ZFYVE1: variants seen among roughly 807,000 people sequenced by gnomAD.
The protein encoded by ZFYVE1 is zinc finger FYVE-type containing 1.
ZFYVE1 carries 30 observed loss-of-function variants against 74.4 expected under a neutral mutation model. The observed-to-expected ratio is 0.40, with a 90% CI of 0.30 to 0.55. The LOEUF (loss-of-function observed/expected upper bound fraction) is 0.55. Ranked by LOEUF, ZFYVE1 falls within the 20% of genes least tolerant of loss-of-function variation. ZFYVE1 has a pLI of 0.42. For missense variants in ZFYVE1, 703 were observed against 1,011.6 expected, an observed-to-expected ratio of 0.69 and a Z score of 4.14; for synonymous variants, 335 against 385.1, an observed-to-expected ratio of 0.87 and a Z score of 1.52.
At chr14:72,992,692 C>A (rs1893649609) in intron 4 of ZFYVE1, among the ~76,000 whole-genome samples, 1 of 148,386 alleles carries the variant, frequency 6.7e-6, no homozygotes, top group Admixed American at 6.9e-5. Flanking sequence ...CTCCTAAACG[C>A]CCCCCGAACA....
chr14:72,981,744 A>G, intron 5 of ZFYVE1, 45 bp downstream of exon 5: 3 of 1,572,750 alleles, frequency 1.9e-6, no homozygotes, highest in South Asian at 1.1e-5. Flanking sequence ...CAAAGGCTCT[A>G]TTCTCAAGGT....
intron 4 of ZFYVE1, among the ~76,000 whole-genome samples, chr14:72,989,230 T>C (rs1422634358): frequency 2.6e-5 from 4 of 152,144 alleles, no homozygotes; most frequent in Non-Finnish European, 5.9e-5. Flanking sequence ...CCAGCCAGCA[T>C]TTGCAATTTC....
rs1377325603 is a variant in ZFYVE1 at position 72,978,052 on chromosome 14, G to A, written c.1518-8C>T. On this transcript the variant is annotated splice_region_variant and splice_polypyrimidine_tract_variant and intron_variant, in intron 7 of 11. Transcript: ENST00000556143. ...GGACATTCGATCACATACCTACAAG[G>A]AAAGCAAATCAATACTGTTACCCAG... 17 of 1,613,976 alleles carry A rather than the reference G, an allele frequency of 1.1e-5. No homozygotes were observed. The Admixed American group carries it at 1.3e-4, about 13-fold the overall frequency.
intron 2 of ZFYVE1, among the ~76,000 whole-genome samples, chr14:73,019,341 G>A (rs1370020033): frequency 6.6e-6 from 1 of 151,998 alleles, no homozygotes; most frequent in African/African-American, 2.4e-5. Flanking sequence ...AGCTACTTGG[G>A]AGGCTGTAAG....
intron 2 of ZFYVE1, among the ~76,000 whole-genome samples, chr14:73,007,107 G>A (rs774993219): frequency 1.3e-5 from 2 of 151,986 alleles, no homozygotes; most frequent in Admixed American, 6.6e-5. Flanking sequence ...GTTCTCCCTC[G>A]AGAGATTCCT....
At chr14:72,989,289 A>G (rs1893554882) in intron 4 of ZFYVE1, among the ~76,000 whole-genome samples, 1 of 152,228 alleles carries the variant, frequency 6.6e-6, no homozygotes, top group Admixed American at 6.5e-5. Flanking sequence ...GCAGAGTTAG[A>G]AAAGGACACT....
intron 5 of ZFYVE1, among the ~76,000 whole-genome samples, chr14:72,981,242 G>A (rs1413535962): frequency 3.3e-5 from 5 of 152,096 alleles, no homozygotes; most frequent in Non-Finnish European, 5.9e-5. Context: ...TCCTACACAC[G>A]ACCCGTTAAT....
At chr14:72,980,536 A>ATTTATTTATTT (rs1567347244) in intron 5 of ZFYVE1, among the ~76,000 whole-genome samples, 4 of 81,502 alleles carry the variant, frequency 4.9e-5, no homozygotes, top group Non-Finnish European at 1.1e-4. Flanking sequence ...AGAATTAATT[A>ATTTATTTATTT]ATTTATTTAT....
intron 2 of ZFYVE1, among the ~76,000 whole-genome samples, chr14:73,000,105 T>C (rs908232119): frequency 6.6e-6 from 1 of 152,088 alleles, no homozygotes. Flanking sequence ...CTAATAAGAC[T>C]AGTATTCCAA....
rs1274185302 is a variant in ZFYVE1, at chr14:72,974,173, C to T, written c.2008G>A (p.Asp670Asn). The T allele has an allele frequency of 6.2e-7, 1 of 1,614,122 alleles. No homozygotes were observed. Among genetic ancestry groups the T allele is most frequent in the Admixed American group, 1.7e-5 (1 of 60,026 alleles). The change falls in exon 11 of 12, where the codon GAC becomes AAC. Residue 670 changes from aspartate to asparagine, a missense_variant. This residue lies in a region of ZFYVE1 where 492 missense variants were observed against 790.0 expected (regional missense o/e 0.62). Transcript: ENST00000556143. ...GCAATGAGCGTTCCACCTTCATCGT[C>T]CACTTGTGCCTCGGTAACAGCTGTA... ...VQLAVTEAQV[D>N]DEGGTLIARK...
intron 4 of ZFYVE1, among the ~76,000 whole-genome samples, chr14:72,986,603 C>G (rs1406738931): frequency 6.7e-6 from 1 of 149,824 alleles, no homozygotes; most frequent in East Asian, 1.9e-4. Context: ...GCTCTATCAC[C>G]CAGGCTGGGT....
rs761364617 is a variant in ZFYVE1 at position 72,981,821 on chromosome 14, A to G, written c.1278T>C (p.Tyr426=). 10 of 1,614,082 alleles carry G rather than the reference A, an allele frequency of 6.2e-6. No individual in the cohort carries two copies. The highest frequency in any genetic ancestry group is 1.3e-5 in the African/African-American group (1 of 75,012). The change falls in exon 5 of 12, where the codon TAT becomes TAC. Residue 426 remains tyrosine (Y), a synonymous_variant. Coordinates refer to ENST00000556143, the MANE Select transcript of ZFYVE1 (RefSeq NM_021260.4). ...MAHSSFFPDE[Y]FTCSSLCLSC... ...TGAGGCACAAGGAGGAGCAGGTGAAATACTCATCTGGAAAAAAGGAGCTGT... is the reference window on the plus strand; with the variant it reads ...TGAGGCACAAGGAGGAGCAGGTGAAGTACTCATCTGGAAAAAAGGAGCTGT...
At chr14:72,977,874 A>G in intron 8 of ZFYVE1, 53 bp downstream of exon 8, 1 of 1,578,938 alleles carries the variant, frequency 6.3e-7, no homozygotes, top group Non-Finnish European at 8.7e-7. Context: ...TATACACATG[A>G]AAAACTGAAC....
At chr14:73,014,282 G>A (rs1464439136) in intron 2 of ZFYVE1, among the ~76,000 whole-genome samples, 2 of 152,160 alleles carry the variant, frequency 1.3e-5, no homozygotes, top group Non-Finnish European at 1.5e-5. Context: ...ATGATCCCCA[G>A]GCTGAAAAAG....
At position 72,978,043 on chromosome 14, in the gene ZFYVE1, A is replaced by G; in HGVS notation, c.1519T>C (p.Tyr507His). 3 of 1,614,162 alleles carry G rather than the reference A, an allele frequency of 1.9e-6. No individual in the cohort carries two copies. The highest frequency in any genetic ancestry group is 2.5e-6 in the Non-Finnish European group (3 of 1,180,020). ...CCACAGTTAGGACATTCGATCACAT[A>G]CCTACAAGGAAAGCAAATCAATACT... The part of the protein sequence containing the change: ...MGLAKYAWSG[Y>H]VIECPNCGVV... The change falls in exon 8 of 12, where the codon TAT becomes CAT. Residue 507 changes from tyrosine (Y) to histidine (H), a missense_variant and splice_region_variant. Physicochemically the swap from Tyr to His is moderately conservative, Grantham distance 83. Coordinates refer to ENST00000556143, the MANE Select transcript of ZFYVE1 (RefSeq NM_021260.4).
intron 2 of ZFYVE1, among the ~76,000 whole-genome samples, chr14:73,009,112 G>T (rs1430930553): frequency 1.3e-5 from 2 of 152,148 alleles, no homozygotes; most frequent in Non-Finnish European, 2.9e-5. Flanking sequence ...ATAAATGAAT[G>T]AACACAGCAC....
At chr14:72,991,124 T>A (rs1200292583) in intron 4 of ZFYVE1, among the ~76,000 whole-genome samples, 3 of 151,586 alleles carry the variant, frequency 2.0e-5, no homozygotes, top group African/African-American at 7.3e-5. Flanking sequence ...CCAAGACTTC[T>A]GAGGGGAAAA....
chr14:72,993,589 G>GATTACAGGTA (rs373921203), intron 3 of ZFYVE1, among the ~76,000 whole-genome samples: 1 of 150,984 alleles, frequency 6.6e-6, no homozygotes, highest in South Asian at 2.1e-4. Flanking sequence ...ATCCCTACTA[G>GATTACAGGTA]TCCAGAGGCT....
intron 4 of ZFYVE1, chr14:72,986,970 A>C: frequency 1.0e-6 from 1 of 985,404 alleles, no homozygotes; most frequent in Middle Eastern, 5.2e-4. Context: ...GGAAGGGCCC[A>C]CCTACCCCAA....
Sources: gnomAD v4.1 joint callset for allele counts (sites outside exome capture counted in the v4.1 genomes callset) on GRCh38, gnomAD v4.1.1 for gene constraint, gnomAD v4.1.1 regional missense constraint, MANE v1.5 for transcripts, NCBI Gene and HGNC (gene_info 2026-07-23, HGNC 2026-07-21) for gene names.